Variants in MAGI2 observed in about 807,000 individuals in gnomAD.
MAGI2 encodes membrane-associated guanylate kinase, WW and PDZ domain-containing protein 2.
A neutral mutation model predicts 133.3 loss-of-function variants in MAGI2; 35 were observed. That is an observed-to-expected ratio of 0.26 (90% CI 0.20 to 0.35). The LOEUF (loss-of-function observed/expected upper bound fraction) is 0.35. Ranked by LOEUF, MAGI2 falls within the 10% of genes least tolerant of loss-of-function variation. The pLI, the probability that MAGI2 is intolerant of heterozygous loss-of-function variation, is 1.00. For synonymous variants in MAGI2, 729 were observed against 710.6 expected (o/e 1.03, Z -0.41); for missense variants, 1,636 against 1,863.4 (o/e 0.88, Z 2.25).
intron 6 of MAGI2, chr7:78,485,070 G>C (rs976916261): frequency 6.6e-6 from 1 of 151,992 alleles, no homozygotes; most frequent in Non-Finnish European, 1.5e-5. Context: ...ATGCTCATGG[G>C]ATGTCAGCAC....
intron 1 of MAGI2, among the ~76,000 whole-genome samples, chr7:79,113,227 G>C (rs1819085537): frequency 2.0e-5 from 3 of 152,190 alleles, no homozygotes; most frequent in African/African-American, 7.2e-5. Context: ...TTAATTGTCA[G>C]TAAGTTCACC....
At chr7:78,945,277 G>A (rs951497253) in intron 2 of MAGI2, among the ~76,000 whole-genome samples, 2 of 152,052 alleles carry the variant, frequency 1.3e-5, no homozygotes, top group African/African-American at 4.8e-5. Context: ...GGCCAGGCTG[G>A]TCTCAAACTC....
At chr7:78,402,404 G>A (rs1227217613) in intron 6 of MAGI2, among the ~76,000 whole-genome samples, 1 of 151,000 alleles carries the variant, frequency 6.6e-6, no homozygotes, top group African/African-American at 2.4e-5. Flanking sequence ...GTCCACCTGG[G>A]GCATGTATGT....
At chr7:78,603,645 C>T (rs1805455244) in intron 3 of MAGI2, among the ~76,000 whole-genome samples, 1 of 152,162 alleles carries the variant, frequency 6.6e-6, no homozygotes, top group African/African-American at 2.4e-5. Context: ...GCCTCAGTCT[C>T]CTGAGTAGCT....
At chr7:78,647,363 A>C (rs922904999) in intron 2 of MAGI2, among the ~76,000 whole-genome samples, 8 of 152,298 alleles carry the variant, frequency 5.3e-5, no homozygotes, top group Middle Eastern at 3.4e-3. Flanking sequence ...TCAAAACAAG[A>C]CTTTTATGCA....
chr7:79,303,611 T>C (rs557730409), intron 1 of MAGI2, among the ~76,000 whole-genome samples: 1 of 152,290 alleles, frequency 6.6e-6, no homozygotes, highest in East Asian at 1.9e-4. Flanking sequence ...TTAAGGTTGG[T>C]TTGTTTGAAT....
intron 1 of MAGI2, among the ~76,000 whole-genome samples, chr7:79,163,593 T>C (rs1218131807): frequency 6.6e-6 from 1 of 152,116 alleles, no homozygotes; most frequent in African/African-American, 2.4e-5. Flanking sequence ...TGTTGAATTC[T>C]GATTTAATGC....
chr7:78,982,632 T>C (rs1013651865), intron 2 of MAGI2, among the ~76,000 whole-genome samples: 4 of 151,868 alleles, frequency 2.6e-5, no homozygotes, highest in African/African-American at 7.2e-5. Context: ...CAGAAGTCAT[T>C]CTGGCCTAGA....
At chr7:79,201,014 C>G (rs1828563678) in intron 1 of MAGI2, among the ~76,000 whole-genome samples, 1 of 151,898 alleles carries the variant, frequency 6.6e-6, no homozygotes, top group Non-Finnish European at 1.5e-5. Flanking sequence ...TGTTAAGGCC[C>G]TCGGCAGGGC....
chr7:78,111,179 G>T (rs1393574568), intron 20 of MAGI2, among the ~76,000 whole-genome samples: 2 of 152,166 alleles, frequency 1.3e-5, no homozygotes, highest in Non-Finnish European at 2.9e-5. Context: ...GGCAAAGACA[G>T]AAAAATTACG....
intron 2 of MAGI2, among the ~76,000 whole-genome samples, chr7:78,864,836 T>G (rs2151508520): frequency 6.6e-6 from 1 of 152,288 alleles, no homozygotes; most frequent in Admixed American, 6.5e-5. Flanking sequence ...AATGGAAGTT[T>G]AAATTTCATT....
intron 2 of MAGI2, among the ~76,000 whole-genome samples, chr7:78,686,099 T>C (rs321966): frequency 0.13 from 18,848 of 146,320 alleles, 2,076 homozygotes; most frequent in East Asian, 0.54. Flanking sequence ...AAGGTCATTA[T>C]ACATTGAAGA....
intron 1 of MAGI2, among the ~76,000 whole-genome samples, chr7:79,441,238 G>GA (rs1848475759): frequency 2.6e-5 from 4 of 152,116 alleles, no homozygotes; most frequent in Admixed American, 2.0e-4. Flanking sequence ...GGGAGGAGGA[G>GA]AAAAAATACA....
chr7:79,296,813 T>G (rs1299869807), intron 1 of MAGI2, among the ~76,000 whole-genome samples: 1 of 152,146 alleles, frequency 6.6e-6, no homozygotes, highest in Non-Finnish European at 1.5e-5. Context: ...GGTGTTCTAC[T>G]TCACAATAGA....
At chr7:79,088,038 T>G (rs1816687452) in intron 1 of MAGI2, among the ~76,000 whole-genome samples, 1 of 152,052 alleles carries the variant, frequency 6.6e-6, no homozygotes, top group Non-Finnish European at 1.5e-5. Context: ...AGAAAGTCAT[T>G]GGTAGCTTGA....
chr7:78,380,015 T>C (rs575800522), intron 6 of MAGI2, among the ~76,000 whole-genome samples: 7 of 152,004 alleles, frequency 4.6e-5, no homozygotes, highest in African/African-American at 1.4e-4. Context: ...AAAAAATCTG[T>C]AGCACACAAT....
intron 6 of MAGI2, among the ~76,000 whole-genome samples, chr7:78,384,876 A>G (rs564664059): frequency 1.3e-5 from 2 of 152,300 alleles, no homozygotes; most frequent in Admixed American, 6.5e-5. Flanking sequence ...CTGAGCACAA[A>G]CCTAGGGCTG....
intron 2 of MAGI2, among the ~76,000 whole-genome samples, chr7:78,960,569 A>G (rs117262928): frequency 0.011 from 1,725 of 152,276 alleles, 16 homozygotes; most frequent in Middle Eastern, 0.024. Context: ...TGATGGTACT[A>G]TTAATGATGG....
At chr7:78,761,037 A>T (rs2151299229) in intron 2 of MAGI2, among the ~76,000 whole-genome samples, 1 of 152,332 alleles carries the variant, frequency 6.6e-6, no homozygotes, top group Non-Finnish European at 1.5e-5. Context: ...GAATTATTAT[A>T]ATTTTCATCT....
Sources: gnomAD v4.1 joint callset for allele counts (sites outside exome capture counted in the v4.1 genomes callset) on GRCh38, gnomAD v4.1.1 for gene constraint, MANE v1.5 for transcripts, NCBI Gene and HGNC (gene_info 2026-07-23, HGNC 2026-07-21) for gene names.